HNRNPK: variants seen among roughly 807,000 people sequenced by gnomAD.
The protein encoded by HNRNPK is heterogeneous nuclear ribonucleoprotein K, also known as dC-stretch binding protein.
HNRNPK carries 7 observed loss-of-function variants against 67.0 expected under a neutral mutation model. That is an observed-to-expected ratio of 0.10 (90% CI 0.06 to 0.20). The LOEUF (loss-of-function observed/expected upper bound fraction) is 0.20. Ranked by LOEUF, HNRNPK falls within the 10% of genes least tolerant of loss-of-function variation. The pLI is 1.00. For missense variants in HNRNPK, 264 were observed against 606.5 expected (o/e 0.44, Z 5.93); for synonymous variants, 213 against 193.7 (o/e 1.10, Z -0.83).
In HNRNPK at chr9:83,970,914, TA is replaced by T. The variant is rs1266619362; in HGVS notation, c.1093-3del. On this transcript the variant is annotated splice_region_variant and splice_polypyrimidine_tract_variant and intron_variant, in intron 13 of 16. Transcript: ENST00000376263. Reference sequence around the variant, plus strand: ...GAACTTACCATATCCGGAGCCACCCTAAAAACAGAAAGAAAAAAATAGAAAA... The same window carrying T: ...GAACTTACCATATCCGGAGCCACCCTAAAACAGAAAGAAAAAAATAGAAAA... 3.1e-6 allele frequency: 5 copies of T among 1,612,380 alleles called. No homozygotes were observed. The African/African-American group carries it at 4.0e-5, about 13-fold the overall frequency.
At chr9:83,970,391 T>C in intron 15 of HNRNPK, 60 bp from the exon 16 acceptor site, 1 of 1,288,260 alleles carries the variant, frequency 7.8e-7, no homozygotes, top group South Asian at 1.3e-5. Context: ...ACTACCTGTA[T>C]TTTCAAGGAG....
rs1956726072 is a variant in HNRNPK at position 83,969,529 on chromosome 9, A to G, written c.1362-89T>C. Reference sequence around the variant, plus strand: ...CAAGACAATTTCAATGCTAAATTAAAATGATAAACACGTCCATTACAATTA... The same window carrying G: ...CAAGACAATTTCAATGCTAAATTAAGATGATAAACACGTCCATTACAATTA... On this transcript the variant is annotated intron_variant, in intron 16 of 16. Coordinates refer to ENST00000376263, the MANE Select transcript of HNRNPK (RefSeq NM_031263.4). 3 of 807,850 alleles carry G rather than the reference A, an allele frequency of 3.7e-6. No individual in the cohort carries two copies. The African/African-American group carries it at 5.2e-5, about 14-fold the overall frequency. The allele number at this position is 807,850 out of a possible 1,614,324, so 50.0% of individuals were successfully genotyped here.
At chr9:83,970,005 A>G in intron 16 of HNRNPK, 157 bp downstream of exon 16, 1 of 659,714 alleles carries the variant, frequency 1.5e-6, no homozygotes, top group South Asian at 1.8e-5. Flanking sequence ...GTAAGAAAGC[A>G]GAAGAAAAAT....
intron 5 of HNRNPK, chr9:83,975,811 T>C: frequency 5.0e-6 from 2 of 399,746 alleles, no homozygotes; most frequent in East Asian, 4.0e-5. Flanking sequence ...GCTTAAGTTG[T>C]TCTGAAGACT....
rs1443981141 is a variant in HNRNPK at position 83,974,607 on chromosome 9, T to C, written c.258-18A>G. 2 of 1,554,260 alleles carry C rather than the reference T, an allele frequency of 1.3e-6. No homozygotes were observed. Among genetic ancestry groups the C allele is most frequent in the Admixed American group, 3.4e-5 (2 of 58,276 alleles). On this transcript the variant is annotated intron_variant, in intron 6 of 16. Coordinates refer to ENST00000376263, the MANE Select transcript of HNRNPK (RefSeq NM_031263.4). ...TCAATATGCTGTCAAACACCACAAA[T>C]ACCAGATAGTACAAAAAAGGTGGAA...
chr9:83,975,733 AGGGAAAAGG>A, intron 5 of HNRNPK: 1 of 596,610 alleles, frequency 1.7e-6, no homozygotes. Flanking sequence ...AAACAAGGAG[AGGGAAAAGG>A]GGGAAAAGCA....
intron 6 of HNRNPK, among the ~76,000 whole-genome samples, 200 bp from the exon 7 acceptor site, chr9:83,974,789 G>A (rs1303887420): frequency 6.6e-6 from 1 of 152,190 alleles, no homozygotes; most frequent in Non-Finnish European, 1.5e-5. Context: ...ACAATATTAG[G>A]AGACTTGCAG....
Position 83,972,018 on chromosome 9 carries a change from T to C in HNRNPK, c.817A>G (p.Met273Val). 1 of 1,613,866 alleles carries C rather than the reference T, an allele frequency of 6.2e-7. No homozygotes were observed. Among genetic ancestry groups the C allele is most frequent in the Non-Finnish European group, 8.5e-7 (1 of 1,179,838 alleles). ...TCATAATCTCTTCTAGATGGAGGCATGGGACGCCCACCCCGACCAGGAGGC... is the reference window on the plus strand; with the variant it reads ...TCATAATCTCTTCTAGATGGAGGCACGGGACGCCCACCCCGACCAGGAGGC... Reference protein sequence around the residue: ...RMPPGRGGRPMPPSRRDYDDM... With the variant: ...RMPPGRGGRPVPPSRRDYDDM... Residue 273 changes from methionine to valine, a missense_variant, in exon 11 of 17, where the codon ATG becomes GTG. This residue lies in a region of HNRNPK where 142 missense variants were observed against 256.5 expected (regional missense o/e 0.55). Coordinates refer to ENST00000376263, the MANE Select transcript of HNRNPK (RefSeq NM_031263.4).
intron 16 of HNRNPK, chr9:83,969,825 T>TA: frequency 1.6e-6 from 1 of 612,034 alleles, no homozygotes. Flanking sequence ...ACAAAATCAC[T>TA]AGTCTTCCAC....
Position 83,970,791 on chromosome 9 carries a change from T to C in HNRNPK, c.1137A>G (p.Ser379=). 1 of 1,611,336 alleles carries C rather than the reference T, an allele frequency of 6.2e-7. No individual in the cohort carries two copies. ...TAATAGGTCCACCAAGATCACCATA[T>C]GAGCCACGACCCCCTGCATAGGAAT... ...YDYSYAGGRG[S]YGDLGGPIIT... Residue 379 remains serine, a synonymous_variant, in exon 15 of 17, where the codon TCA becomes TCG. Coordinates refer to ENST00000376263, the MANE Select transcript of HNRNPK (RefSeq NM_031263.4).
At chr9:83,975,298 G>T (rs1428308167) in intron 6 of HNRNPK, 164 bp downstream of exon 6, 1 of 661,162 alleles carries the variant, frequency 1.5e-6, no homozygotes, top group South Asian at 1.9e-5. Flanking sequence ...GCAACTCACG[G>T]TAAAAGTTCA....
In HNRNPK at chr9:83,969,188, C is replaced by G. The variant is rs933936355; in HGVS notation, c.*219G>C. 2.5e-5 allele frequency: 14 copies of G among 566,348 alleles called. No individual in the cohort carries two copies. Among genetic ancestry groups the G allele is most frequent in the Non-Finnish European group, 4.1e-5 (13 of 313,798 alleles). The allele number at this position is 566,348 out of a possible 1,614,324, so 35.1% of individuals were successfully genotyped here. A position where few individuals can be genotyped will look rare whatever the true frequency, so the allele number is the denominator to read the frequency against. On this transcript the variant is annotated 3_prime_UTR_variant, in exon 17 of 17. Transcript: ENST00000376263. ...TAGTTTTTGCACGCCCTTCCCCCCC[C>G]CAACCCTGTTTGTAAGGAACTAAAA...
intron 11 of HNRNPK, 36 bp downstream of exon 11, chr9:83,971,846 G>A (rs764324655): frequency 2.6e-6 from 4 of 1,559,188 alleles, no homozygotes; most frequent in South Asian, 2.4e-5. Flanking sequence ...ATAGATGGGG[G>A]AAGAAAAAAC....
At chr9:83,974,737 TTC>T in intron 6 of HNRNPK, 148 bp from the exon 7 acceptor site, 1 of 602,316 alleles carries the variant, frequency 1.7e-6, no homozygotes, top group Middle Eastern at 3.1e-4. Flanking sequence ...ATTTATAGAT[TTC>T]TCACATGCAT....
chr9:83,978,395 A>G lies in HNRNPK; in HGVS notation c.-50T>C, dbSNP rs150285449. On this transcript the variant is annotated 5_prime_UTR_variant, in exon 2 of 17. Transcript: ENST00000376263. ...TACCAGTTATTATATATCCTTGCAG[A>G]GCAGAACTGAAGCGTTCTGGGTCGG... is the stretch of plus-strand genomic sequence containing the variant. 549 of 1,454,056 alleles carry G rather than the reference A, an allele frequency of 3.8e-4. No individual in the cohort carries two copies. The African/African-American group carries it at 5.8e-3, about 15-fold the overall frequency. The allele number at this position is 1,454,056 out of a possible 1,614,324, so 90.1% of individuals were successfully genotyped here.
At chr9:83,979,595 C>T (rs946949015) in intron 1 of HNRNPK, among the ~76,000 whole-genome samples, 1 of 152,190 alleles carries the variant, frequency 6.6e-6, no homozygotes, top group African/African-American at 2.4e-5. Context: ...AGCAGAAGCA[C>T]CGCACCTCTC....
chr9:83,969,976 T>C, intron 16 of HNRNPK, 186 bp downstream of exon 16: 6 of 649,778 alleles, frequency 9.2e-6, no homozygotes, highest in South Asian at 3.3e-5. Context: ...AAGATTAGTA[T>C]TGAATGTCTT....
chr9:83,970,602 T>TTAA (rs1588411626), intron 15 of HNRNPK, 135 bp downstream of exon 15: 1 of 694,970 alleles, frequency 1.4e-6, no homozygotes, highest in East Asian at 2.7e-5. Context: ...AAAACCCAGC[T>TTAA]CACTAAAGCC....
chr9:83,977,823 G>A (rs773750383), intron 3 of HNRNPK, 37 bp from the exon 4 acceptor site: 4 of 1,313,094 alleles, frequency 3.0e-6, no homozygotes, highest in Non-Finnish European at 2.2e-6. Context: ...AGAAAGCAGC[G>A]AAGTCTCCAA....
Sources: allele counts gnomAD v4.1 joint callset (sites outside exome capture counted in the v4.1 genomes callset), GRCh38; gene constraint gnomAD v4.1.1; regional missense constraint gnomAD v4.1.1; transcripts MANE v1.5; gene names NCBI Gene and HGNC (gene_info 2026-07-23, HGNC 2026-07-21).